Variants in SAFB observed in about 807,000 individuals in gnomAD.
The protein encoded by SAFB is scaffold attachment factor B1.
A neutral mutation model predicts 101.6 loss-of-function variants in SAFB; 15 were observed. The ratio of observed to expected loss-of-function variants is 0.15; its 90% CI spans 0.10 to 0.23. The LOEUF (loss-of-function observed/expected upper bound fraction) is 0.23. SAFB is among the 10% of genes least tolerant of loss of function. The pLI is 1.00. For missense variants in SAFB, 930 were observed against 1,104.1 expected, an observed-to-expected ratio of 0.84 and a Z score of 2.23; for synonymous variants, 449 against 407.5, an observed-to-expected ratio of 1.10 and a Z score of -1.23.
intron 11 of SAFB, 78 bp downstream of exon 11, chr19:5,653,498 G>T: frequency 7.7e-7 from 1 of 1,294,124 alleles, no homozygotes. Context: ...ATGGAGTCGC[G>T]CTCTGTCGCC....
At chr19:5,650,699 C>T (rs1233560199) in intron 8 of SAFB, among the ~76,000 whole-genome samples, 1 of 152,212 alleles carries the variant, frequency 6.6e-6, no homozygotes, top group South Asian at 2.1e-4. Context: ...GCGTGAGCCA[C>T]CACACCCGGC....
At chr19:5,627,645 GT>G in intron 2 of SAFB, among the ~76,000 whole-genome samples, 1 of 152,130 alleles carries the variant, frequency 6.6e-6, no homozygotes, top group East Asian at 1.9e-4. Flanking sequence ...CCCACACCCT[GT>G]GCTTTAGTCA....
At chr19:5,623,459 C>T in intron 1 of SAFB, 65 bp downstream of exon 1, 2 of 1,409,768 alleles carry the variant, frequency 1.4e-6, no homozygotes, top group Non-Finnish European at 1.9e-6. Flanking sequence ...GCGACGGTGG[C>T]TCGCGGGCCC....
At chr19:5,645,232 G>A (rs542071060) in intron 4 of SAFB, 105 bp from the exon 5 acceptor site, 16 of 591,350 alleles carry the variant, frequency 2.7e-5, no homozygotes, top group South Asian at 4.0e-5. Context: ...TTAAAATTTT[G>A]TTGTGAATTA....
rs908686532 is a variant in SAFB, at chr19:5,641,585, T to C, written c.275-9T>C. ...TTTGATCTCATGCTGTAAATGATTC[T>C]GTCTTCAGGGCGCAAACCAGAAGAA... On this transcript the variant is annotated splice_polypyrimidine_tract_variant and intron_variant, in intron 2 of 20. Coordinates refer to ENST00000588852, the MANE Select transcript of SAFB (RefSeq NM_001201338.2). The C allele has an allele frequency of 1.2e-5, 19 of 1,612,884 alleles. 1 individual carries two copies. Among genetic ancestry groups the C allele is most frequent in the Non-Finnish European group, 1.4e-5 (17 of 1,179,244 alleles).
chr19:5,628,049 G>A (rs997614751), intron 2 of SAFB, among the ~76,000 whole-genome samples: 6 of 152,180 alleles, frequency 3.9e-5, no homozygotes, highest in Admixed American at 3.3e-4. Context: ...TCAGGAGTTC[G>A]AGACCAGCCT....
intron 13 of SAFB, among the ~76,000 whole-genome samples, chr19:5,656,089 T>C (rs1450523403): frequency 6.6e-6 from 1 of 152,170 alleles, no homozygotes; most frequent in African/African-American, 2.4e-5. Flanking sequence ...CTTTCAATTA[T>C]GATAAGCAAA....
chr19:5,658,069 C>T (rs1362897229), intron 14 of SAFB, among the ~76,000 whole-genome samples: 2 of 152,016 alleles, frequency 1.3e-5, no homozygotes, highest in African/African-American at 4.8e-5. Context: ...ATGATCTCAG[C>T]TCACCGCAGC....
At chr19:5,626,027 T>C (rs2053351114) in intron 1 of SAFB, among the ~76,000 whole-genome samples, 1 of 152,164 alleles carries the variant, frequency 6.6e-6, no homozygotes, top group African/African-American at 2.4e-5. Context: ...TTTTGAGTTC[T>C]TCTGGGCTTA....
At chr19:5,627,201 G>A (rs1354748382) in intron 2 of SAFB, among the ~76,000 whole-genome samples, 4 of 151,406 alleles carry the variant, frequency 2.6e-5, no homozygotes, top group Admixed American at 1.3e-4. Context: ...GGGTGGGGGC[G>A]GGGCACAGTG....
At chr19:5,666,801 G>A in intron 17 of SAFB, 1 of 560,544 alleles carries the variant, frequency 1.8e-6, no homozygotes, top group East Asian at 3.1e-5. Context: ...GTGGTGCTGT[G>A]GGGACCTGCC....
intron 2 of SAFB, among the ~76,000 whole-genome samples, chr19:5,627,979 C>T (rs1235654755): frequency 2.0e-5 from 3 of 152,126 alleles, no homozygotes; most frequent in Admixed American, 6.5e-5. Flanking sequence ...GGCAGGGCGC[C>T]GTGGCTCACA....
At chr19:5,623,693 C>T (rs1006175882) in intron 1 of SAFB, among the ~76,000 whole-genome samples, 3 of 152,098 alleles carry the variant, frequency 2.0e-5, no homozygotes, top group African/African-American at 7.2e-5. Context: ...CGTCTCGTCC[C>T]CTCCTCCGTA....
intron 2 of SAFB, among the ~76,000 whole-genome samples, chr19:5,629,339 G>T (rs2053438544): frequency 6.6e-6 from 1 of 152,140 alleles, no homozygotes; most frequent in Non-Finnish European, 1.5e-5. Context: ...GCCAAGGTAG[G>T]AGGATTGCTT....
intron 2 of SAFB, among the ~76,000 whole-genome samples, chr19:5,638,094 A>AT (rs1233939566): frequency 6.6e-6 from 1 of 152,208 alleles, no homozygotes; most frequent in Non-Finnish European, 1.5e-5. Flanking sequence ...GCAAATGACT[A>AT]TATAAATACT....
chr19:5,630,512 G>A (rs1192873375), intron 2 of SAFB, among the ~76,000 whole-genome samples: 2 of 152,154 alleles, frequency 1.3e-5, no homozygotes, highest in Non-Finnish European at 2.9e-5. Flanking sequence ...GCACACGTCC[G>A]TAATCCCACG....
intron 2 of SAFB, among the ~76,000 whole-genome samples, chr19:5,628,378 G>A (rs993057649): frequency 6.6e-6 from 1 of 152,138 alleles, no homozygotes; most frequent in African/African-American, 2.4e-5. Flanking sequence ...CGGTATTTTC[G>A]TACGCATAAT....
intron 2 of SAFB, among the ~76,000 whole-genome samples, chr19:5,640,358 C>CTTTTTTTT (rs34358887): frequency 6.6e-5 from 6 of 91,552 alleles, no homozygotes; most frequent in African/African-American, 1.9e-4. Flanking sequence ...GAAAGATTGG[C>CTTTTTTTT]TTTTTTTTTT....
rs754569943 is a variant in SAFB, at chr19:5,664,110, G to A, written c.2242G>A (p.Asp748Asn). 3 of 1,613,906 alleles carry A rather than the reference G, an allele frequency of 1.9e-6. No individual in the cohort carries two copies. Among genetic ancestry groups the A allele is most frequent in the Non-Finnish European group, 2.5e-6 (3 of 1,180,038 alleles). ...SDFNRQDRFH[D>N]FDHRDRGRYP... ...CTTTAACCGCCAGGACCGCTTCCAC[G>A]ACTTTGACCACAGGGACCGCGGCCG... The change falls in exon 16 of 21, where the codon GAC (aspartate) becomes AAC (asparagine). Residue 748 changes from aspartate to asparagine, a missense_variant. By Grantham distance (23) the Asp-to-Asn change is conservative (BLOSUM62 1). Transcript: ENST00000588852.
Sources: gnomAD v4.1 joint callset for allele counts (sites outside exome capture counted in the v4.1 genomes callset) on GRCh38, gnomAD v4.1.1 for gene constraint, MANE v1.5 for transcripts, NCBI Gene and HGNC (gene_info 2026-07-23, HGNC 2026-07-21) for gene names.